Variants in EFHB observed in about 807,000 individuals in gnomAD.
The protein encoded by EFHB is EF-hand domain family member B.
A neutral mutation model predicts 87.2 loss-of-function variants in EFHB; 91 were observed. The ratio of observed to expected loss-of-function variants is 1.04; its 90% CI spans 0.88 to 1.24. The LOEUF (loss-of-function observed/expected upper bound fraction) is 1.24, where lower values mean the gene tolerates loss of function less well. Among genes scored for constraint, EFHB ranks in the 50% most tolerant of loss-of-function variants. The pLI is 0.00. For synonymous variants in EFHB, 325 were observed against 333.6 expected (o/e 0.97, Z 0.28); for missense variants, 1,084 against 998.8 (o/e 1.09, Z -1.15).
chr3:19,908,327 G>A (rs753690563), intron 5 of EFHB, among the ~76,000 whole-genome samples: 8 of 152,072 alleles, frequency 5.3e-5, no homozygotes, highest in Non-Finnish European at 8.8e-5. Context: ...GAGATTAGAA[G>A]TTCGAGACCA....
chr3:19,892,886 T>TAA (rs764186491), intron 9 of EFHB, among the ~76,000 whole-genome samples: 69,257 of 147,702 alleles, frequency 0.47, 18,068 homozygotes, highest in African/African-American at 0.71. Context: ...TAAAATAAAA[T>TAA]AATATAAAAT....
chr3:19,946,177 G>C (rs779841830), intron 1 of EFHB: 1 of 152,206 alleles, frequency 6.6e-6, no homozygotes, highest in Non-Finnish European at 1.5e-5. Flanking sequence ...ACCCGCCGCA[G>C]ATCAGAATCC....
chr3:19,881,527 T>C (rs1313133284), intron 12 of EFHB, among the ~76,000 whole-genome samples: 1 of 152,178 alleles, frequency 6.6e-6, no homozygotes, highest in Non-Finnish European at 1.5e-5. Flanking sequence ...TTCTATTTCA[T>C]AGGCCTTTCA....
Position 19,933,505 on chromosome 3 carries a change from C to A in EFHB, c.514G>T (p.Glu172Ter), listed in dbSNP as rs200662150. The A allele has an allele frequency of 6.2e-7, 1 of 1,613,940 alleles. No homozygotes were observed. Among genetic ancestry groups the A allele is most frequent in the Non-Finnish European group, 8.5e-7 (1 of 1,179,872 alleles). ...AFVMEPRQEMEKESTCVLMKP... is the reference protein window; with the variant it reads ...AFVMEPRQEM ...ATTAAAACACAGGTAGACTCTTTTT[C>A]CATTTCCTGTCTTGGTTCCATAACG... The change falls in exon 1 of 13, where the codon GAA (glutamate) becomes TAA (stop). Residue 172 changes from glutamate (E) to a stop codon, truncating the protein, a stop_gained. Transcript: ENST00000295824. LOFTEE classifies it high-confidence loss of function.
At chr3:19,940,995 A>G (rs1469385510) in intron 1 of EFHB, 1 of 312,590 alleles carries the variant, frequency 3.2e-6, no homozygotes, top group Non-Finnish European at 6.2e-6. Flanking sequence ...GAAGAATGAC[A>G]TACAAGAGCA....
chr3:19,889,148 G>C (rs1428696402), intron 9 of EFHB, among the ~76,000 whole-genome samples: 2 of 152,100 alleles, frequency 1.3e-5, no homozygotes, highest in African/African-American at 4.8e-5. Context: ...AGGGTGGAGG[G>C]AAAAAGTCTC....
Position 19,933,816 on chromosome 3 carries a change from T to C in EFHB, c.203A>G (p.Lys68Arg), listed in dbSNP as rs1029079427. Residue 68 changes from lysine to arginine, a missense_variant, in exon 1 of 13, where the codon AAG (lysine) becomes AGG (arginine). Lys to Arg is a conservative substitution (Grantham distance 26). Transcript: ENST00000295824. ...TCTTTCTAATCCCATTTCAAGCCCC[T>C]TGCTCAATGGAAATTTTGTTTCTGG... The part of the protein sequence containing the change: ...APPETKFPLS[K>R]GLEMGLERQN... 1 of 1,613,950 alleles carries C rather than the reference T, an allele frequency of 6.2e-7. No individual in the cohort carries two copies. The highest frequency in any genetic ancestry group is 8.5e-7 in the Non-Finnish European group (1 of 1,179,864).
intron 11 of EFHB, 100 bp from the exon 12 acceptor site, chr3:19,882,831 C>G: frequency 9.2e-7 from 1 of 1,084,764 alleles, no homozygotes; most frequent in Non-Finnish European, 1.2e-6. Flanking sequence ...TAAAATGTAG[C>G]TAGGAAGAAT....
rs745905171 is a variant in EFHB, at chr3:19,879,617, G to T, written c.*14C>A. Reference sequence around the variant, plus strand: ...TAATAATTCTTTTGCTTGAATGAATGAAGTCCAAAAATATCACATGAGTGT... The same window carrying T: ...TAATAATTCTTTTGCTTGAATGAATTAAGTCCAAAAATATCACATGAGTGT... On this transcript the variant is annotated 3_prime_UTR_variant, in exon 13 of 13. Coordinates refer to ENST00000295824, the MANE Select transcript of EFHB (RefSeq NM_144715.4). 4.1e-5 allele frequency: 63 copies of T among 1,537,390 alleles called. No individual in the cohort carries two copies. Among genetic ancestry groups the T allele is most frequent in the Non-Finnish European group, 5.4e-5 (62 of 1,144,256 alleles).
In EFHB at chr3:19,896,280, G is replaced by C. The variant is rs562132667; in HGVS notation, c.1725+407C>G. On this transcript the variant is annotated intron_variant, in intron 9 of 12. Transcript: ENST00000295824. ...GCAAAAATTGCTGGGTCCCACCCCA[G>C]AGTTCCTGACTCAGTATTTTCTGAA... is the stretch of plus-strand genomic sequence containing the variant. 7.9e-5 allele frequency among the ~76,000 whole-genome samples: 12 copies of C among 152,280 alleles called. No individual in the cohort carries two copies. The East Asian group carries it at 1.9e-3, about 24-fold the overall frequency.
chr3:19,881,840 T>C (rs61411267), intron 12 of EFHB, among the ~76,000 whole-genome samples: 25,880 of 151,926 alleles, frequency 0.17, 2,875 homozygotes, highest in African/African-American at 0.31. Context: ...CCCTGAATTA[T>C]ACCTGCTTTC....
intron 1 of EFHB, among the ~76,000 whole-genome samples, chr3:19,928,633 C>T (rs944831867): frequency 2.6e-5 from 4 of 152,102 alleles, no homozygotes; most frequent in East Asian, 3.9e-4. Context: ...TTAGTAGAGA[C>T]GGAGTTTTGC....
intron 10 of EFHB, among the ~76,000 whole-genome samples, chr3:19,887,040 G>A (rs186007717): frequency 5.1e-4 from 78 of 152,266 alleles, no homozygotes; most frequent in African/African-American, 1.8e-3. Flanking sequence ...TGAGGGAACT[G>A]AAATGTAGTT....
rs1423570438 is a variant in EFHB, at chr3:19,941,760, G to A, written c.-32+5159C>T. 2.0e-5 allele frequency among the ~76,000 whole-genome samples: 3 copies of A among 151,784 alleles called. No individual in the cohort carries two copies. In the East Asian group the frequency reaches 5.8e-4, roughly 29 times the overall value. ...TAATCCCAGCTACTCGGGAGGCTGA[G>A]GCACAAGAATCGCTTGAACCCGGGA... On this transcript the variant is annotated intron_variant, in intron 1 of 14. Coordinates refer to the EFHB transcript ENST00000344838.
rs866842743 is a variant in EFHB, at chr3:19,908,590, G to A, written c.1289-2841C>T. Among the ~76,000 whole-genome samples the A allele has an allele frequency of 5.3e-3, 591 of 111,136 alleles. 3 individuals are homozygous for A. Among genetic ancestry groups the A allele is most frequent in the African/African-American group, 0.019 (401 of 21,046 alleles). The allele number at this position is 111,136 out of a possible 152,430, so 72.9% of individuals were successfully genotyped here. ...AGAGAGAGAGAGAGAGAGAGAGAGA[G>A]AGAGAGAGAGAAAGAAAGAAAGAAA... On this transcript the variant is annotated intron_variant, in intron 5 of 12. Coordinates refer to ENST00000295824, the MANE Select transcript of EFHB (RefSeq NM_144715.4).
At chr3:19,934,360 C>T (rs1695953587), upstream of EFHB, 2 of 795,300 alleles carry the variant, frequency 2.5e-6, no homozygotes, top group Non-Finnish European at 3.3e-6. Flanking sequence ...GTCTCTCTCT[C>T]TCCCCTCTTC....
At chr3:19,880,229 C>CATTTATTTATTTATTTATTTATTT (rs59492875) in intron 12 of EFHB, among the ~76,000 whole-genome samples, 8 of 147,500 alleles carry the variant, frequency 5.4e-5, no homozygotes, top group African/African-American at 2.0e-4. Context: ...ACATTAGTTT[C>CATTTATTTATTTATTTATTTATTT]ATTTATTTAT....
At chr3:19,892,787 C>G (rs1422399624) in intron 9 of EFHB, among the ~76,000 whole-genome samples, 1 of 151,828 alleles carries the variant, frequency 6.6e-6, no homozygotes, top group Non-Finnish European at 1.5e-5. Context: ...GCTCAGAGTT[C>G]AAGCCTGCAG....
intron 5 of EFHB, among the ~76,000 whole-genome samples, chr3:19,908,562 A>AAGAGAG (rs71624361): frequency 6.7e-4 from 56 of 83,882 alleles, no homozygotes; most frequent in East Asian, 2.4e-3. Context: ...GAAAGAGAGA[A>AAGAGAG]AGAGAGAGAG....
Sources: allele counts gnomAD v4.1 joint callset (sites outside exome capture counted in the v4.1 genomes callset), GRCh38; gene constraint gnomAD v4.1.1; transcripts MANE v1.5; gene names NCBI Gene and HGNC (gene_info 2026-07-23, HGNC 2026-07-21).